Variants in SV2B observed in about 807,000 individuals in gnomAD.
SV2B encodes the protein solute carrier family 22 member B2.
In SV2B, 41 loss-of-function variants were observed where a neutral mutation model predicts 73.9. The ratio of observed to expected loss-of-function variants is 0.56; its 90% confidence interval spans 0.43 to 0.72. SV2B has a LOEUF of 0.72. SV2B is among the 30% of genes least tolerant of loss of function. The pLI is 0.00. For missense variants in SV2B, 764 were observed against 857.8 expected, an observed-to-expected ratio of 0.89 and a Z score of 1.37; for synonymous variants, 314 against 314.2, an observed-to-expected ratio of 1.00 and a Z score of 0.01.
intron 12 of SV2B, among the ~76,000 whole-genome samples, chr15:91,292,058 C>CATGTAGTACCT (rs2141815801): frequency 6.6e-6 from 1 of 151,210 alleles, no homozygotes; most frequent in East Asian, 2.0e-4. Context: ...CCATAGTAAG[C>CATGTAGTACCT]ATGTAGTACC....
chr15:91,258,647 T>A lies in SV2B; in HGVS notation c.918+93T>A. ...TCTCTCAGCTCCTAGTCCCACATCC[T>A]CTGCTGCTTATGTGTTGCAAACTCT... is the stretch of plus-strand genomic sequence containing the variant. On this transcript the variant is annotated intron_variant, in intron 5 of 12. Transcript: ENST00000394232. The surrounding 1 kb of genome is among the most constrained non-coding windows in gnomAD (Gnocchi z 4.7). The A allele has an allele frequency of 6.4e-7, 1 of 1,564,634 alleles. No homozygotes were observed.
rs764206231 is a variant in SV2B at position 91,292,463 on chromosome 15, G to A, written c.1963G>A (p.Val655Ile). The change falls in exon 13 of 13, where the codon GTC (valine) becomes ATC (isoleucine). Residue 655 changes from valine (V) to isoleucine (I), a missense_variant. Transcript: ENST00000394232. Reference protein sequence around the residue: ...FASFVGITKVVPILLAAASLV... With the variant: ...FASFVGITKVIPILLAAASLV... ...TTCTTTTGTTGGGATAACCAAAGTG[G>A]TCCCCATCCTTCTGGCTGCTGCTTC... The A allele has an allele frequency of 1.9e-6, 3 of 1,614,048 alleles. No homozygotes were observed. Among genetic ancestry groups the A allele is most frequent in the Non-Finnish European group, 2.5e-6 (3 of 1,180,034 alleles).
At chr15:91,102,198 A>T (rs575713304) in intron 1 of SV2B, 2 of 152,348 alleles carry the variant, frequency 1.3e-5, no homozygotes, top group African/African-American at 4.8e-5. Context: ...TGATAGAATG[A>T]AAAGCTCTTG....
intron 2 of SV2B, among the ~76,000 whole-genome samples, chr15:91,247,672 C>T (rs2047292991): frequency 6.6e-6 from 1 of 152,180 alleles, no homozygotes; most frequent in Admixed American, 6.5e-5. Flanking sequence ...GATGCAGCTG[C>T]TATCTAGAAA....
chr15:91,241,972 T>G lies in SV2B; in HGVS notation c.452-9847T>G, dbSNP rs2047033999. Among the ~76,000 whole-genome samples the G allele has an allele frequency of 6.6e-6, 1 of 151,984 alleles. No homozygotes were observed. The highest frequency in any genetic ancestry group is 2.1e-4 in the South Asian group (1 of 4,824). On this transcript the variant is annotated intron_variant, in intron 2 of 12. Coordinates refer to ENST00000394232, the MANE Select transcript of SV2B (RefSeq NM_001323032.3). This position sits in a 1 kb window ranked among gnomAD's most constrained non-coding sequence, Gnocchi z 4.8. ...AGTAGAATGAATGAGTGAGGACGTT[T>G]CATCTTTAAGCAGGAGTTAATCCTC...
At chr15:91,244,423 T>G (rs974272320) in intron 2 of SV2B, among the ~76,000 whole-genome samples, 1 of 152,212 alleles carries the variant, frequency 6.6e-6, no homozygotes, top group African/African-American at 2.4e-5. Context: ...ACTGGACCCA[T>G]AAAAGACTAG....
At chr15:91,187,603 C>T (rs1356830464) in intron 1 of SV2B, among the ~76,000 whole-genome samples, 1 of 151,814 alleles carries the variant, frequency 6.6e-6, no homozygotes, top group Non-Finnish European at 1.5e-5. Context: ...CTGTCAAGTG[C>T]TACTTGATGC....
chr15:91,129,447 C>T lies in SV2B; in HGVS notation c.-392+29084C>T, dbSNP rs2042579147. ...GGAGGAAGGAGCATTGAGGCTGAGT[C>T]AAGTGCAATGGTGGGGATCAGCAAA... On this transcript the variant is annotated intron_variant, in intron 1 of 12. Coordinates refer to ENST00000394232, the MANE Select transcript of SV2B (RefSeq NM_001323032.3). The surrounding 1 kb of genome is among the most constrained non-coding windows in gnomAD (Gnocchi z 5.1). Among the ~76,000 whole-genome samples the T allele has an allele frequency of 1.3e-5, 2 of 152,130 alleles. No homozygotes were observed. The highest frequency in any genetic ancestry group is 1.3e-4 in the Admixed American group (2 of 15,274).
chr15:91,207,067 G>C (rs2045669066), intron 1 of SV2B, among the ~76,000 whole-genome samples: 1 of 152,162 alleles, frequency 6.6e-6, no homozygotes, highest in South Asian at 2.1e-4. Flanking sequence ...GAGTCACCCA[G>C]GCTGGAGTGC....
At chr15:91,127,926 G>A (rs944043982) in intron 1 of SV2B, among the ~76,000 whole-genome samples, 1 of 152,186 alleles carries the variant, frequency 6.6e-6, no homozygotes, top group East Asian at 1.9e-4. Flanking sequence ...AAGCATTAAA[G>A]TGACATGCAT....
At chr15:91,259,194 G>A (rs985467175) in intron 5 of SV2B, among the ~76,000 whole-genome samples, 2 of 152,188 alleles carry the variant, frequency 1.3e-5, no homozygotes, top group African/African-American at 4.8e-5. Context: ...GGTACAGCTC[G>A]TTGCTGCTCC....
rs769251099 is a variant in SV2B, at chr15:91,294,815, C to T, written c.*2263C>T. 3 of 152,342 alleles carry T rather than the reference C, an allele frequency of 2.0e-5. No individual in the cohort carries two copies. Among genetic ancestry groups the T allele is most frequent in the Non-Finnish European group, 4.4e-5 (3 of 68,040 alleles). 9.4% of individuals were successfully genotyped at this position (152,342 alleles called of 1,614,324 possible). ...ACTCCATTTGGTTTCCAAGATCTCA[C>T]TTCTGCATTATCTTTATGGCTCTTT... On this transcript the variant is annotated 3_prime_UTR_variant, in exon 13 of 13. Coordinates refer to ENST00000394232, the MANE Select transcript of SV2B (RefSeq NM_001323032.3). This position sits in a 1 kb window ranked among gnomAD's most constrained non-coding sequence, Gnocchi z 4.1.
chr15:91,267,630 G>T lies in SV2B; in HGVS notation c.1195G>T (p.Ala399Ser). 6.2e-7 allele frequency: 1 copy of T among 1,612,204 alleles called. No individual in the cohort carries two copies. Among genetic ancestry groups the T allele is most frequent in the Non-Finnish European group, 8.5e-7 (1 of 1,179,114 alleles). ...ACTGATTCTGGCCGTGGTTTGGTTT[G>T]CCATGGCATTCAGGTAAGTTCTGTC... is the stretch of plus-strand genomic sequence containing the variant. The part of the protein sequence containing the change: ...NTLILAVVWF[A>S]MAFSYYGLTV... Residue 399 changes from alanine to serine, a missense_variant, in exon 8 of 13, where the codon GCC becomes TCC. Coordinates refer to ENST00000394232, the MANE Select transcript of SV2B (RefSeq NM_001323032.3). The surrounding 1 kb of genome is among the most constrained non-coding windows in gnomAD (Gnocchi z 4.3).
At chr15:91,133,008 C>G (rs2141159850) in intron 1 of SV2B, among the ~76,000 whole-genome samples, 1 of 152,254 alleles carries the variant, frequency 6.6e-6, no homozygotes, top group Middle Eastern at 3.4e-3. Context: ...AAGTATGTTA[C>G]CTCTGTTAGT....
chr15:91,146,094 C>T (rs1246894848), intron 1 of SV2B, among the ~76,000 whole-genome samples: 1 of 152,098 alleles, frequency 6.6e-6, no homozygotes, highest in Non-Finnish European at 1.5e-5. Context: ...AGGTTGTCTT[C>T]CAGAGTTTTC....
At chr15:91,157,920 T>C (rs535250508) in intron 1 of SV2B, among the ~76,000 whole-genome samples, 11 of 152,332 alleles carry the variant, frequency 7.2e-5, no homozygotes, top group African/African-American at 2.6e-4. Flanking sequence ...CCTAGAGAGT[T>C]CCCTCTGACC....
rs1451146624 is a variant in SV2B, at chr15:91,289,183, C to T, written c.1709-338C>T. Among the ~76,000 whole-genome samples, 3 of 152,178 alleles carry T rather than the reference C, an allele frequency of 2.0e-5. No homozygotes were observed. On this transcript the variant is annotated intron_variant, in intron 11 of 12. Transcript: ENST00000394232. The surrounding 1 kb of genome is among the most constrained non-coding windows in gnomAD (Gnocchi z 4.9). Reference sequence around the variant, plus strand: ...TTGGCCAATACTGATGTAGCTCAAGCACCTAGAACAATGTCTGGTACATAA... The same window carrying T: ...TTGGCCAATACTGATGTAGCTCAAGTACCTAGAACAATGTCTGGTACATAA...
intron 9 of SV2B, among the ~76,000 whole-genome samples, chr15:91,275,983 C>T (rs1398268301): frequency 2.6e-5 from 4 of 151,510 alleles, no homozygotes; most frequent in Non-Finnish European, 4.4e-5. Context: ...TACATTTTCT[C>T]AGTATTTGTT....
chr15:91,291,196 T>C (rs78979971), intron 12 of SV2B, among the ~76,000 whole-genome samples: 1 of 151,212 alleles, frequency 6.6e-6, no homozygotes, highest in East Asian at 1.9e-4. Context: ...TAGTTTTTTT[T>C]CTAACATAAA....
Sources: gnomAD v4.1 joint callset for allele counts (sites outside exome capture counted in the v4.1 genomes callset) on GRCh38, gnomAD v4.1.1 for gene constraint, Gnocchi (gnomAD v3.1) non-coding constraint, MANE v1.5 for transcripts, NCBI Gene and HGNC (gene_info 2026-07-23, HGNC 2026-07-21) for gene names.